EYS: variants seen among roughly 807,000 people sequenced by gnomAD.
EYS encodes the protein protein eyes shut homolog.
Under a neutral mutation model 282.1 loss-of-function variants are expected in EYS, and 250 were observed. The ratio of observed to expected loss-of-function variants is 0.89; its 90% CI spans 0.80 to 0.98. The LOEUF (loss-of-function observed/expected upper bound fraction) is 0.98, where lower values mean the gene tolerates loss of function less well. EYS is among the 50% of genes least tolerant of loss of function. The probability of loss-of-function intolerance (pLI) is 0.00; values close to 1 mark genes in which losing one functional copy is unlikely to be tolerated. For missense variants in EYS, 4,016 were observed against 3,709.0 expected (o/e 1.08, Z -2.15); for synonymous variants, 1,355 against 1,282.9 (o/e 1.06, Z -1.20).
At chr6:64,959,761 C>A (rs896067561) in intron 14 of EYS, among the ~76,000 whole-genome samples, 1 of 151,946 alleles carries the variant, frequency 6.6e-6, no homozygotes, top group Non-Finnish European at 1.5e-5. Flanking sequence ...TCTATTGTGC[C>A]AAGTATTCTG....
At chr6:64,390,089 G>C (rs538151674) in intron 28 of EYS, among the ~76,000 whole-genome samples, 1 of 152,202 alleles carries the variant, frequency 6.6e-6, no homozygotes, top group South Asian at 2.1e-4. Flanking sequence ...GGCACATCAC[G>C]AGATTATATC....
At chr6:64,070,229 T>C (rs186573258) in intron 32 of EYS, among the ~76,000 whole-genome samples, 119 of 152,276 alleles carry the variant, frequency 7.8e-4, no homozygotes, top group Non-Finnish European at 5.1e-4. Flanking sequence ...TATTGGTCTT[T>C]CTTGCACTTT....
At chr6:63,990,074 G>T (rs1238423470) in intron 34 of EYS, among the ~76,000 whole-genome samples, 1 of 151,506 alleles carries the variant, frequency 6.6e-6, no homozygotes, top group African/African-American at 2.4e-5. Flanking sequence ...GCTACTTTGT[G>T]AACACATTGA....
Position 63,793,688 on chromosome 6 carries a change from C to T in EYS, c.7412-4464G>A, listed in dbSNP as rs1770572841. Among the ~76,000 whole-genome samples, 5 of 152,194 alleles carry T rather than the reference C, an allele frequency of 3.3e-5. No homozygotes were observed. The South Asian group carries it at 8.3e-4, about 25-fold the overall frequency. ...AGAGATCAGTGAAGAAAGAAAAATG[C>T]TTTATATTTTAGTACCTTTAACGGC... On this transcript the variant is annotated intron_variant, in intron 37 of 42. Transcript: ENST00000503581.
At chr6:64,541,248 T>C (rs1252153853) in intron 26 of EYS, among the ~76,000 whole-genome samples, 1 of 152,220 alleles carries the variant, frequency 6.6e-6, no homozygotes. Context: ...GTTATCTTTA[T>C]AGTTTTCATG....
chr6:64,822,937 C>G, intron 19 of EYS, 115 bp from the exon 20 acceptor site: 1 of 779,896 alleles, frequency 1.3e-6, no homozygotes, highest in Non-Finnish European at 2.0e-6. Context: ...ATAATGATAA[C>G]TTGGTATTTG....
chr6:65,321,676 C>T (rs892413749), intron 11 of EYS, among the ~76,000 whole-genome samples: 5 of 152,136 alleles, frequency 3.3e-5, no homozygotes, highest in South Asian at 2.1e-4. Context: ...GGTATCATGC[C>T]CAGTCTAAAA....
intron 12 of EYS, among the ~76,000 whole-genome samples, chr6:65,186,725 C>T (rs1011255107): frequency 8.6e-5 from 13 of 151,692 alleles, no homozygotes; most frequent in South Asian, 4.1e-4. Flanking sequence ...GGCTTCAGAA[C>T]GGTGTCGCCT....
rs1769014324 is a variant in EYS, at chr6:64,296,575, TATATATATACATATATA to T, written c.6191+10378_6191+10394del. ...ATATATATATATATATATATATATA[TATATATATACATATATA>T]TATATATTTTTTTTTTTTTTTTTTT... On this transcript the variant is annotated intron_variant, in intron 30 of 42. Transcript: ENST00000503581. Among the ~76,000 whole-genome samples the T allele has an allele frequency of 2.9e-3, 32 of 10,918 alleles. 1 individual carries two copies. Among genetic ancestry groups the T allele is most frequent in the African/African-American group, 6.4e-3 (32 of 5,016 alleles). The allele number at this position is 10,918 out of a possible 152,430, so 7.2% of individuals were successfully genotyped here.
At chr6:64,971,914 G>C (rs967112594) in intron 14 of EYS, among the ~76,000 whole-genome samples, 2 of 152,036 alleles carry the variant, frequency 1.3e-5, no homozygotes, top group Non-Finnish European at 2.9e-5. Context: ...TCTTGCTGAA[G>C]AAAACTGTAT....
At chr6:65,618,208 G>A (rs1766294903) in intron 2 of EYS, among the ~76,000 whole-genome samples, 1 of 152,206 alleles carries the variant, frequency 6.6e-6, no homozygotes, top group Non-Finnish European at 1.5e-5. Context: ...ATCCTCTCCA[G>A]CACCTGTTGT....
chr6:64,493,681 C>T lies in EYS; in HGVS notation c.5645-54329G>A, dbSNP rs1292798696. Among the ~76,000 whole-genome samples, 4 of 151,272 alleles carry T rather than the reference C, an allele frequency of 2.6e-5. No homozygotes were observed. The South Asian group carries it at 6.2e-4, about 23-fold the overall frequency. Reference sequence around the variant, plus strand: ...TTTTTAATTATACTTTAAGTTCTAGCGTACATGTGCACAACGTGCAGGTTT... The same window carrying T: ...TTTTTAATTATACTTTAAGTTCTAGTGTACATGTGCACAACGTGCAGGTTT... On this transcript the variant is annotated intron_variant, in intron 26 of 42. Coordinates refer to ENST00000503581, the MANE Select transcript of EYS (RefSeq NM_001142800.2).
At chr6:64,123,362 C>T (rs1054935124) in intron 31 of EYS, among the ~76,000 whole-genome samples, 2 of 152,114 alleles carry the variant, frequency 1.3e-5, no homozygotes, top group Admixed American at 1.3e-4. Flanking sequence ...GTCAAATTTT[C>T]ATCTGGGAGC....
chr6:65,574,394 A>G (rs763712242), intron 2 of EYS, among the ~76,000 whole-genome samples: 9 of 152,188 alleles, frequency 5.9e-5, no homozygotes, highest in Non-Finnish European at 1.3e-4. Flanking sequence ...AGCATAACAC[A>G]TAAGAATGTA....
At chr6:64,045,413 T>TTTTA (rs1162199085) in intron 33 of EYS, among the ~76,000 whole-genome samples, 2 of 147,986 alleles carry the variant, frequency 1.4e-5, no homozygotes, top group African/African-American at 4.9e-5. Flanking sequence ...TTTTATTTTA[T>TTTTA]TTTATTTTAT....
At chr6:64,649,072 A>G (rs1383559865) in intron 22 of EYS, among the ~76,000 whole-genome samples, 2 of 152,154 alleles carry the variant, frequency 1.3e-5, no homozygotes, top group Admixed American at 1.3e-4. Flanking sequence ...ATGATTTAGA[A>G]GATCTAACAG....
At chr6:64,357,213 TTTG>T (rs1771851452) in intron 29 of EYS, among the ~76,000 whole-genome samples, 1 of 151,656 alleles carries the variant, frequency 6.6e-6, no homozygotes, top group Non-Finnish European at 1.5e-5. Flanking sequence ...ACTCTGGTCA[TTTG>T]TTTCTTATGA....
Position 64,991,207 on chromosome 6 carries a change from T to A in EYS, c.2259+6375A>T, listed in dbSNP as rs530562923. On this transcript the variant is annotated intron_variant, in intron 14 of 42. Coordinates refer to ENST00000503581, the MANE Select transcript of EYS (RefSeq NM_001142800.2). ...ACATTAAATTATGTTCAATAAATTC[T>A]TAAAGGGAAGATTGGTATAATAAAA... is the stretch of plus-strand genomic sequence containing the variant. 5.7e-4 allele frequency among the ~76,000 whole-genome samples: 87 copies of A among 151,688 alleles called. 1 individual carries two copies. The highest frequency in any genetic ancestry group is 2.1e-3 in the African/African-American group (87 of 41,514).
intron 36 of EYS, among the ~76,000 whole-genome samples, chr6:63,841,111 A>G (rs1003655973): frequency 2.6e-5 from 4 of 152,208 alleles, no homozygotes; most frequent in African/African-American, 9.6e-5. Flanking sequence ...ATAATTGATA[A>G]TTAACATATC....
Sources: allele counts gnomAD v4.1 joint callset (sites outside exome capture counted in the v4.1 genomes callset), GRCh38; gene constraint gnomAD v4.1.1; transcripts MANE v1.5; gene names NCBI Gene and HGNC (gene_info 2026-07-23, HGNC 2026-07-21).